SLC17A1: variants seen among roughly 807,000 people sequenced by gnomAD.
SLC17A1 encodes the protein sodium-dependent phosphate transport protein 1.
A neutral mutation model predicts 53.5 loss-of-function variants in SLC17A1; 51 were observed. That is an observed-to-expected ratio of 0.95 (90% confidence interval 0.76 to 1.20). The LOEUF (loss-of-function observed/expected upper bound fraction) is 1.20. Ranked by LOEUF, SLC17A1 falls within the 50% of genes most tolerant of loss-of-function variation. SLC17A1 has a pLI of 0.00. For missense variants in SLC17A1, 538 were observed against 568.2 expected (o/e 0.95, Z 0.54); for synonymous variants, 179 against 198.8 (o/e 0.90, Z 0.84).
chr6:25,733,806 ATGTGTG>A, the SLC17A1 span, among the ~76,000 whole-genome samples: 638 of 133,974 alleles, frequency 4.8e-3, 5 homozygotes, highest in African/African-American at 0.012. Flanking sequence ...GTGTGTGTGT[ATGTGTG>A]TGTGTGTGTG....
the SLC17A1 span, among the ~76,000 whole-genome samples, chr6:25,754,225 A>G: frequency 2.6e-5 from 4 of 152,164 alleles, no homozygotes; most frequent in Non-Finnish European, 4.4e-5. Context: ...GTTTTGCCAT[A>G]AAAGGGAGGA....
At position 25,830,586 on chromosome 6, in the gene SLC17A1, T is replaced by C; in HGVS notation, c.-29A>G. On this transcript the variant is annotated 5_prime_UTR_variant, in exon 2 of 13. Transcript: ENST00000244527. ...CGGCTGAAGTTGCTTCTCTTCTTGC[T>C]GAAGGGTTTTGCCTCCACCCACTGT... is the stretch of plus-strand genomic sequence containing the variant. The C allele has an allele frequency of 6.2e-7, 1 of 1,613,698 alleles. No homozygotes were observed. Among genetic ancestry groups the C allele is most frequent in the Non-Finnish European group, 8.5e-7 (1 of 1,179,732 alleles).
rs56777435 is a variant in SLC17A1, at chr6:25,793,907, A to T, written c.*2+4876T>A. 4.6e-5 allele frequency among the ~76,000 whole-genome samples: 7 copies of T among 152,212 alleles called. No individual in the cohort carries two copies. In the South Asian group the frequency reaches 1.4e-3, roughly 32 times the overall value. On this transcript the variant is annotated intron_variant, in intron 12 of 12. Transcript: ENST00000244527. ...GAACTATGAAAGAACAAATCCTTCA[A>T]GTTGGATGCTGATTGGCTAACTGGG...
the SLC17A1 span, chr6:25,732,365 A>ATCTGC: frequency 3.8e-6 from 1 of 265,264 alleles, no homozygotes; most frequent in Admixed American, 4.7e-5. Flanking sequence ...ATAATCCACA[A>ATCTGC]TCTGCTGTCA....
At chr6:25,755,114 A>AGAG in the SLC17A1 span, among the ~76,000 whole-genome samples, 1 of 130,904 alleles carries the variant, frequency 7.6e-6, no homozygotes, top group African/African-American at 2.6e-5. Context: ...AAGAGACAGA[A>AGAG]ACTAAATGAT....
At chr6:25,777,999 G>T, downstream of SLC17A1, 1 of 1,612,166 alleles carries the variant, frequency 6.2e-7, no homozygotes. Flanking sequence ...TACTGCTGCT[G>T]GATTTTTCAT....
At position 25,812,993 on chromosome 6, in the gene SLC17A1, C is replaced by T; in HGVS notation, c.736-1G>A. 3 of 1,613,750 alleles carry T rather than the reference C, an allele frequency of 1.9e-6. No homozygotes were observed. Among genetic ancestry groups the T allele is most frequent in the South Asian group, 1.1e-5 (1 of 90,990 alleles). Reference sequence around the variant, plus strand: ...GCAGAGATTGTCTACTTGAACTGACCTGGAGAGAAATTCATTAAGAATTAG... The same window carrying T: ...GCAGAGATTGTCTACTTGAACTGACTTGGAGAGAAATTCATTAAGAATTAG... On this transcript the variant is annotated splice_acceptor_variant, in intron 7 of 12. Transcript: ENST00000244527. LOFTEE classifies it high-confidence loss of function.
chr6:25,797,772 G>A (rs1763633795), intron 12 of SLC17A1, among the ~76,000 whole-genome samples: 2 of 151,946 alleles, frequency 1.3e-5, no homozygotes, highest in Non-Finnish European at 1.5e-5. Flanking sequence ...GCTAATTTTT[G>A]TATGTTTAGT....
At chr6:25,830,655 T>C in intron 1 of SLC17A1, 48 bp from the exon 2 acceptor site, 1 of 1,319,310 alleles carries the variant, frequency 7.6e-7, no homozygotes, top group East Asian at 2.3e-5. Flanking sequence ...GAGAGGCAAC[T>C]GACCAAACAC....
chr6:25,777,868 T>C, the SLC17A1 span: 1 of 1,427,970 alleles, frequency 7.0e-7, no homozygotes, highest in Non-Finnish European at 9.8e-7. Flanking sequence ...TCCCGGGTAT[T>C]GAGACTTTCA....
intron 10 of SLC17A1, among the ~76,000 whole-genome samples, chr6:25,806,602 C>T (rs532594877): frequency 6.6e-6 from 1 of 152,066 alleles, no homozygotes; most frequent in South Asian, 2.1e-4. Context: ...AAAAACTCTT[C>T]TGGACATTGG....
chr6:25,818,018 G>T (rs1431490586), intron 6 of SLC17A1, among the ~76,000 whole-genome samples: 1 of 152,082 alleles, frequency 6.6e-6, no homozygotes, highest in Non-Finnish European at 1.5e-5. Context: ...GTATATATTG[G>T]ATGTCTTCTG....
chr6:25,770,979 A>G, the SLC17A1 span: 2 of 1,613,848 alleles, frequency 1.2e-6, no homozygotes, highest in Non-Finnish European at 1.7e-6. Context: ...CCTCTGCCAG[A>G]CCATAGGATG....
rs771282334 is a variant in SLC17A1, at chr6:25,811,393, C to T, written c.1178+5G>A. 6.2e-7 allele frequency: 1 copy of T among 1,605,346 alleles called. No individual in the cohort carries two copies. Among genetic ancestry groups the T allele is most frequent in the African/African-American group, 1.3e-5 (1 of 74,654 alleles). ...GTTAAAAAAAAGCGTATAAACAAAT[C>T]CTACCTGGGAGCAATATCCAAGCCA... On this transcript the variant is annotated splice_donor_5th_base_variant and intron_variant, in intron 10 of 12. Coordinates refer to ENST00000244527, the MANE Select transcript of SLC17A1 (RefSeq NM_005074.5).
chr6:25,800,221 C>T (rs1763713974), intron 11 of SLC17A1, among the ~76,000 whole-genome samples: 1 of 151,852 alleles, frequency 6.6e-6, no homozygotes, highest in South Asian at 2.1e-4. Flanking sequence ...GATGTTATCT[C>T]TTATCTTCTG....
chr6:25,770,933 G>T, the SLC17A1 span: 1 of 1,613,774 alleles, frequency 6.2e-7, no homozygotes. Context: ...CAGGGTCAAT[G>T]CTGGGGTCCT....
intron 10 of SLC17A1, among the ~76,000 whole-genome samples, chr6:25,810,756 T>C (rs1311758494): frequency 6.6e-6 from 1 of 152,182 alleles, no homozygotes; most frequent in Non-Finnish European, 1.5e-5. Context: ...CCTGGGTGTC[T>C]ATCCAAAGGA....
chr6:25,826,197 C>A (rs1313490733), intron 3 of SLC17A1, among the ~76,000 whole-genome samples: 1 of 152,072 alleles, frequency 6.6e-6, no homozygotes, highest in Non-Finnish European at 1.5e-5. Context: ...TTCCTCTTGT[C>A]CAAATTTCTT....
At chr6:25,776,388 A>G in the SLC17A1 span, among the ~76,000 whole-genome samples, 13 of 151,788 alleles carry the variant, frequency 8.6e-5, no homozygotes, top group Non-Finnish European at 1.8e-4. Context: ...ATATATAAAG[A>G]GAGCCTTGTT....
Sources: gnomAD v4.1 joint callset for allele counts (sites outside exome capture counted in the v4.1 genomes callset) on GRCh38, gnomAD v4.1.1 for gene constraint, MANE v1.5 for transcripts, NCBI Gene and HGNC (gene_info 2026-07-23, HGNC 2026-07-21) for gene names.